IDE: variants seen among roughly 807,000 people sequenced by gnomAD.
The protein encoded by IDE is insulin degrading enzyme.
In IDE, 58 loss-of-function variants were observed where a neutral mutation model predicts 133.2. That is an observed-to-expected ratio of 0.44 (90% CI 0.35 to 0.54). The LOEUF (loss-of-function observed/expected upper bound fraction) is 0.54, where lower values mean the gene tolerates loss of function less well. IDE is among the 20% of genes least tolerant of loss of function. The pLI is 0.00. For missense variants in IDE, 981 were observed against 1,234.0 expected (o/e 0.79, Z 3.07); for synonymous variants, 396 against 421.3 (o/e 0.94, Z 0.73).
intron 4 of IDE, among the ~76,000 whole-genome samples, chr10:92,524,461 TTTTATATA>T (rs1849477241): frequency 1.7e-5 from 1 of 59,030 alleles, no homozygotes; most frequent in African/African-American, 7.6e-5. Flanking sequence ...ATATTATATA[TTTTATATA>T]ATATATAATA....
intron 1 of IDE, among the ~76,000 whole-genome samples, chr10:92,563,639 T>C (rs1035429763): frequency 6.6e-6 from 1 of 151,446 alleles, no homozygotes; most frequent in African/African-American, 2.4e-5. Flanking sequence ...TAGTCCCAAC[T>C]ACTTGGGAGG....
chr10:92,463,606 C>G, intron 21 of IDE, 125 bp downstream of exon 21: 1 of 835,538 alleles, frequency 1.2e-6, no homozygotes, highest in Admixed American at 2.3e-5. Context: ...GCCAGCCATC[C>G]CCCCACCCCA....
intron 14 of IDE, 179 bp from the exon 15 acceptor site, chr10:92,479,600 A>AGTGT: frequency 1.9e-6 from 1 of 536,182 alleles, no homozygotes; most frequent in South Asian, 2.3e-5. Flanking sequence ...AGAAGCCTGA[A>AGTGT]GTGTGTGTGA....
chr10:92,535,830 G>A (rs1589497942), intron 2 of IDE, among the ~76,000 whole-genome samples: 1 of 152,290 alleles, frequency 6.6e-6, no homozygotes, highest in East Asian at 1.9e-4. Flanking sequence ...GAGGTCGGGA[G>A]TTTGAGATCA....
At chr10:92,540,630 T>G (rs1842255022) in intron 1 of IDE, among the ~76,000 whole-genome samples, 1 of 152,184 alleles carries the variant, frequency 6.6e-6, no homozygotes, top group South Asian at 2.1e-4. Context: ...TTGACTTAGG[T>G]AACCAAAAAT....
rs775413987 is a variant in IDE, at chr10:92,461,243, T to A, written c.2771A>T (p.Glu924Val). 5 of 1,441,902 alleles carry A rather than the reference T, an allele frequency of 3.5e-6. No homozygotes were observed. The Admixed American group carries it at 6.7e-5, about 19-fold the overall frequency. The allele number at this position is 1,441,902 out of a possible 1,614,324, so 89.3% of individuals were successfully genotyped here. The change falls in exon 22 of 25, where the codon GAG becomes GTG. Residue 924 changes from glutamate to valine, a missense_variant. Glu to Val is a moderately radical substitution (Grantham distance 121, BLOSUM62 -2). This residue lies in a region of IDE where 660 missense variants were observed against 894.7 expected (regional missense o/e 0.74). Transcript: ENST00000265986. ...QQYNFDRDNTEVAYLKTLTKE... is the reference protein window; with the variant it reads ...QQYNFDRDNTVVAYLKTLTKE... ...GGTAAGTGTCTTTAAATATGCAACC[T>A]CAGTGTTATCTGAAAAAGTAATCAA...
In IDE at chr10:92,454,497, G is replaced by A. The variant is rs747874844; in HGVS notation, c.3007C>T (p.Pro1003Ser). The change falls in exon 25 of 25, where the codon CCA becomes TCA. Residue 1003 changes from proline (P) to serine (S), a missense_variant. By Grantham distance (74) the Pro-to-Ser change is moderately conservative. This residue lies in a region of IDE where 660 missense variants were observed against 894.7 expected (regional missense o/e 0.74). Coordinates refer to ENST00000265986, the MANE Select transcript of IDE (RefSeq NM_004969.4). ...TGTGGTTTCACAAGGGGAAACAGTG[G>A]CAGACCACGCTTGAATTCGGTCATG... Reference protein sequence around the residue: ...QNMTEFKRGLPLFPLVKPHIN... With the variant: ...QNMTEFKRGLSLFPLVKPHIN... 6.2e-7 allele frequency: 1 copy of A among 1,613,822 alleles called. No individual in the cohort carries two copies. The highest frequency in any genetic ancestry group is 8.5e-7 in the Non-Finnish European group (1 of 1,179,806).
At chr10:92,459,591 T>C (rs1460243088) in intron 22 of IDE, among the ~76,000 whole-genome samples, 1 of 152,152 alleles carries the variant, frequency 6.6e-6, no homozygotes, top group African/African-American at 2.4e-5. Flanking sequence ...AATCACAGAG[T>C]ATAATTTTGC....
chr10:92,503,650 A>C (rs1217718132), intron 11 of IDE, among the ~76,000 whole-genome samples: 1 of 152,160 alleles, frequency 6.6e-6, no homozygotes, highest in Non-Finnish European at 1.5e-5. Flanking sequence ...AGCTTTGATA[A>C]TATGTCTGGA....
chr10:92,534,101 C>T (rs1351937255), intron 3 of IDE, among the ~76,000 whole-genome samples: 2 of 152,092 alleles, frequency 1.3e-5, no homozygotes, highest in Non-Finnish European at 2.9e-5. Flanking sequence ...AATATCCCCA[C>T]GGTTGACCAA....
intron 1 of IDE, among the ~76,000 whole-genome samples, chr10:92,546,583 A>G (rs1842542386): frequency 6.6e-6 from 1 of 152,124 alleles, no homozygotes; most frequent in African/African-American, 2.4e-5. Flanking sequence ...ACATAATTAA[A>G]CCTTCTCAGG....
intron 17 of IDE, among the ~76,000 whole-genome samples, chr10:92,471,874 T>C (rs1046633249): frequency 6.6e-6 from 1 of 152,140 alleles, no homozygotes; most frequent in African/African-American, 2.4e-5. Context: ...AATTTTTGTA[T>C]TTTTTGTAGA....
Position 92,506,456 on chromosome 10 carries a change from C to T in IDE, c.1312G>A (p.Ala438Thr). The change falls in exon 10 of 25, where the codon GCA becomes ACA. Residue 438 changes from alanine to threonine, a missense_variant. Coordinates refer to ENST00000265986, the MANE Select transcript of IDE (RefSeq NM_004969.4). Reference protein sequence around the residue: ...ERPRGYTSKIAGILHYYPLEE... With the variant: ...ERPRGYTSKITGILHYYPLEE... ...AACAAACTTACATGCAATATTCCTGCAATCTTAGATGTATAGCCCCGTGGC... is the reference window on the plus strand; with the variant it reads ...AACAAACTTACATGCAATATTCCTGTAATCTTAGATGTATAGCCCCGTGGC... 6.4e-7 allele frequency: 1 copy of T among 1,558,668 alleles called. No homozygotes were observed. The highest frequency in any genetic ancestry group is 8.8e-7 in the Non-Finnish European group (1 of 1,133,840).
intron 18 of IDE, among the ~76,000 whole-genome samples, 194 bp from the exon 19 acceptor site, chr10:92,469,184 C>T (rs1845839265): frequency 6.6e-6 from 1 of 152,060 alleles, no homozygotes; most frequent in African/African-American, 2.4e-5. Flanking sequence ...GTGAAAGAAA[C>T]AGACACCCAA....
At chr10:92,548,598 G>A (rs1351710111) in intron 1 of IDE, among the ~76,000 whole-genome samples, 1 of 151,990 alleles carries the variant, frequency 6.6e-6, no homozygotes, top group Non-Finnish European at 1.5e-5. Flanking sequence ...AGTGGCTAAG[G>A]TGCAAATGAA....
intron 1 of IDE, among the ~76,000 whole-genome samples, chr10:92,561,943 C>T (rs1055861348): frequency 6.6e-6 from 1 of 152,252 alleles, no homozygotes; most frequent in Non-Finnish European, 1.5e-5. Context: ...AGACTAACTT[C>T]CTCCAATCAC....
At chr10:92,489,567 T>A (rs894311550) in intron 12 of IDE, among the ~76,000 whole-genome samples, 1 of 152,146 alleles carries the variant, frequency 6.6e-6, no homozygotes, top group African/African-American at 2.4e-5. Context: ...AGGTTGGTTA[T>A]GGTCAGAGTC....
rs909265230 is a variant in IDE at position 92,549,587 on chromosome 10, A to G, written c.99-12037T>C. On this transcript the variant is annotated intron_variant, in intron 1 of 24. Transcript: ENST00000265986. Reference sequence around the variant, plus strand: ...AACCTTGTCCTAGAGTAAGGAATCTAGTACGTAAGTGAAGGGGTTAAGCTT... The same window carrying G: ...AACCTTGTCCTAGAGTAAGGAATCTGGTACGTAAGTGAAGGGGTTAAGCTT... Among the ~76,000 whole-genome samples, 7 of 152,322 alleles carry G rather than the reference A, an allele frequency of 4.6e-5. No homozygotes were observed. The East Asian group carries it at 7.7e-4, about 17-fold the overall frequency.
At chr10:92,519,937 C>T (rs935768724) in intron 4 of IDE, among the ~76,000 whole-genome samples, 4 of 152,126 alleles carry the variant, frequency 2.6e-5, no homozygotes, top group Admixed American at 2.0e-4. Context: ...AAACCCCGTC[C>T]TACTAAAAAT....
Sources: gnomAD v4.1 joint callset for allele counts (sites outside exome capture counted in the v4.1 genomes callset) on GRCh38, gnomAD v4.1.1 for gene constraint, gnomAD v4.1.1 regional missense constraint, MANE v1.5 for transcripts, NCBI Gene and HGNC (gene_info 2026-07-23, HGNC 2026-07-21) for gene names.